The following SPAG4 variants were observed in gnomAD, a reference collection of about 807,000 sequenced individuals.
SPAG4 encodes the protein sperm associated antigen 4.
SPAG4 carries 54 observed loss-of-function variants against 53.9 expected under a neutral mutation model. That is an observed-to-expected ratio of 1.00 (90% CI 0.80 to 1.26). The LOEUF (loss-of-function observed/expected upper bound fraction) is 1.26. SPAG4 is among the 50% of genes most tolerant of loss of function. The pLI is 0.00. For synonymous variants in SPAG4, 246 were observed against 237.4 expected, an observed-to-expected ratio of 1.04 and a Z score of -0.33; for missense variants, 548 against 568.6, an observed-to-expected ratio of 0.96 and a Z score of 0.37.
At position 35,621,073 on chromosome 20, in the gene SPAG4, A is replaced by G. The variant is rs1450000220; in HGVS notation, c.*51A>G. 2 of 1,591,434 alleles carry G rather than the reference A, an allele frequency of 1.3e-6. No homozygotes were observed. The highest frequency in any genetic ancestry group is 1.3e-5 in the African/African-American group (1 of 74,680). ...GAGTTCTGCTGAAGGATACTGGATC[A>G]GTGCTTTCGGGGGCTCTGTTGGGAG... On this transcript the variant is annotated 3_prime_UTR_variant, in exon 12 of 12. Coordinates refer to ENST00000374273, the MANE Select transcript of SPAG4 (RefSeq NM_003116.3).
rs145849826 is a variant in SPAG4, at chr20:35,616,008, G to A, written c.5G>A (p.Arg2Gln). The A allele has an allele frequency of 3.6e-4, 577 of 1,611,148 alleles. 3 individuals are homozygous for A. The African/African-American group carries it at 7.1e-3, about 20-fold the overall frequency. The change falls in exon 1 of 12, where the codon CGG (arginine) becomes CAG (glutamine). Residue 2 changes from arginine to glutamine, a missense_variant. By Grantham distance (43) the Arg-to-Gln change is conservative. Coordinates refer to ENST00000374273, the MANE Select transcript of SPAG4 (RefSeq NM_003116.3). M[R>Q]RSSRPGSASS... Reference sequence around the variant, plus strand: ...ACTAGGCAGCAGGGGGTCAGGATGCGGCGAAGCTCCCGCCCGGGCTCGGCC... The same window carrying A: ...ACTAGGCAGCAGGGGGTCAGGATGCAGCGAAGCTCCCGCCCGGGCTCGGCC...
Position 35,619,219 on chromosome 20 carries a change from C to T in SPAG4, c.818C>T (p.Thr273Ile). The change falls in exon 9 of 12, where the codon ACA becomes ATA. Residue 273 changes from threonine (T) to isoleucine (I), a missense_variant. Thr to Ile is a moderately conservative substitution (Grantham distance 89). Transcript: ENST00000374273. ...GGAGCCTCCATCGACCTGCAGAAGA[C>T]ATCCCACGATTACGCAGACAGGAAC... ...SVGASIDLQKTSHDYADRNTA... is the reference protein window; with the variant it reads ...SVGASIDLQKISHDYADRNTA... 6.2e-7 allele frequency: 1 copy of T among 1,613,548 alleles called. No individual in the cohort carries two copies. Among genetic ancestry groups the T allele is most frequent in the Non-Finnish European group, 8.5e-7 (1 of 1,179,884 alleles).
intron 1 of SPAG4, 98 bp downstream of exon 1, chr20:35,616,405 C>T: frequency 7.1e-7 from 1 of 1,409,870 alleles, no homozygotes; most frequent in Non-Finnish European, 9.2e-7. Flanking sequence ...CTGGGCACCT[C>T]CTACAAGGTG....
chr20:35,617,216 C>G lies in SPAG4; in HGVS notation c.385C>G (p.Pro129Ala). Residue 129 changes from proline to alanine, a missense_variant, in exon 2 of 12, where the codon CCG becomes GCG. Transcript: ENST00000374273. Reference sequence around the variant, plus strand: ...GGATCTGAGGCAGGAGATGCCTCCCCCGCGGGTGTTCAAGAGCTTTCTGAG... The same window carrying G: ...GGATCTGAGGCAGGAGATGCCTCCCGCGCGGGTGTTCAAGAGCTTTCTGAG... ...TLDLRQEMPP[P>A]RVFKSFLSLL... 9 of 1,600,776 alleles carry G rather than the reference C, an allele frequency of 5.6e-6. No individual in the cohort carries two copies. Among genetic ancestry groups the G allele is most frequent in the Non-Finnish European group, 7.7e-6 (9 of 1,173,860 alleles).
chr20:35,619,878 G>T, intron 10 of SPAG4, 132 bp downstream of exon 10: 1 of 908,328 alleles, frequency 1.1e-6, no homozygotes, highest in Non-Finnish European at 1.6e-6. Flanking sequence ...GCCTCTCAGA[G>T]CTGCTGTAGG....
intron 3 of SPAG4, 61 bp from the exon 4 acceptor site, chr20:35,617,718 C>G (rs1036491182): frequency 6.3e-7 from 1 of 1,581,236 alleles, no homozygotes; most frequent in Admixed American, 1.7e-5. Context: ...GGTCTAGGAC[C>G]CTGGGGTGGG....
In SPAG4 at chr20:35,616,056, C is replaced by T. The variant is rs373174161; in HGVS notation, c.53C>T (p.Pro18Leu). Reference sequence around the variant, plus strand: ...GCCTCGTCCTCGCGCAAGCACACGCCCAACTTTTTCAGCGAGAACAGCTCA... The same window carrying T: ...GCCTCGTCCTCGCGCAAGCACACGCTCAACTTTTTCAGCGAGAACAGCTCA... The part of the protein sequence containing the change: ...GSASSSRKHT[P>L]NFFSENSSMS... Residue 18 changes from proline to leucine, a missense_variant, in exon 1 of 12, where the codon CCC (proline) becomes CTC (leucine). Transcript: ENST00000374273. The T allele has an allele frequency of 1.2e-6, 2 of 1,612,668 alleles. No homozygotes were observed. Among genetic ancestry groups the T allele is most frequent in the East Asian group, 2.2e-5 (1 of 44,830 alleles).
chr20:35,615,963 C>A lies in SPAG4; in HGVS notation c.-41C>A. The stretch of plus-strand genomic sequence containing the variant: ...GGCCCCAGGGCCTTGGCGACCGCAG[C>A]GGCGGCTTTAGCGTCAGTGACTAGG... On this transcript the variant is annotated 5_prime_UTR_variant, in exon 1 of 12. Coordinates refer to ENST00000374273, the MANE Select transcript of SPAG4 (RefSeq NM_003116.3). 6.3e-7 allele frequency: 1 copy of A among 1,596,506 alleles called. No individual in the cohort carries two copies. Among genetic ancestry groups the A allele is most frequent in the Non-Finnish European group, 8.5e-7 (1 of 1,173,042 alleles).
In SPAG4 at chr20:35,615,976, G is replaced by A. The variant is rs372989915; in HGVS notation, c.-28G>A. 2.0e-4 allele frequency: 315 copies of A among 1,606,266 alleles called. No individual in the cohort carries two copies. The highest frequency in any genetic ancestry group is 2.5e-4 in the Non-Finnish European group (293 of 1,178,252). On this transcript the variant is annotated 5_prime_UTR_variant, in exon 1 of 12. Transcript: ENST00000374273. ...TGGCGACCGCAGCGGCGGCTTTAGC[G>A]TCAGTGACTAGGCAGCAGGGGGTCA...
rs1323361340 is a variant in SPAG4 at position 35,616,327 on chromosome 20, CG to C, written c.304+23del. On this transcript the variant is annotated intron_variant, in intron 1 of 11. Transcript: ENST00000374273. ...CCTCGGGTGCGGGCGGGGTCGACCCCGGGTGAGCCAGTGGAGGGGGCGGGGC... is the reference window on the plus strand; with the variant it reads ...CCTCGGGTGCGGGCGGGGTCGACCCCGGTGAGCCAGTGGAGGGGGCGGGGC... 4 of 1,142,686 alleles carry C rather than the reference CG, an allele frequency of 3.5e-6. No homozygotes were observed. The highest frequency in any genetic ancestry group is 4.4e-6 in the Non-Finnish European group (4 of 911,646). 70.8% of individuals were successfully genotyped at this position (1,142,686 alleles called of 1,614,324 possible).
intron 4 of SPAG4, 39 bp downstream of exon 4, chr20:35,617,879 T>A: frequency 1.3e-6 from 2 of 1,598,774 alleles, no homozygotes; most frequent in Non-Finnish European, 1.7e-6. Context: ...CTGCCCTGGG[T>A]GCTTTGGAGG....
Position 35,618,703 on chromosome 20 carries a change from C to A in SPAG4, c.700C>A (p.Arg234=). ...DKLHKEVSTV[R]AANSERVAKL... is the part of the protein sequence containing the mutation. The stretch of plus-strand genomic sequence containing the variant: ...ACTCCACAAGGAGGTGTCCACTGTT[C>A]GGGCAGCCAACAGCGAGGTGAGCCC... Residue 234 remains arginine (R), a synonymous_variant, in exon 7 of 12, where the codon CGG becomes AGG. Transcript: ENST00000374273. The A allele has an allele frequency of 6.3e-7, 1 of 1,585,898 alleles. No homozygotes were observed. Among genetic ancestry groups the A allele is most frequent in the Non-Finnish European group, 8.6e-7 (1 of 1,165,538 alleles).
chr20:35,619,025 G>A (rs1164434198), intron 8 of SPAG4, 27 bp downstream of exon 8: 1 of 1,599,598 alleles, frequency 6.3e-7, no homozygotes, highest in African/African-American at 1.3e-5. Context: ...CTGGAAGACA[G>A]AGACGCAGAC....
rs375693231 is a variant in SPAG4 at position 35,619,570 on chromosome 20, C to G, written c.910-9C>G. ...CGACGGTTCCGATGGTCCCTCCGCCCGCCTGCAGCCCCACGTGTTCCCTGG... is the reference window on the plus strand; with the variant it reads ...CGACGGTTCCGATGGTCCCTCCGCCGGCCTGCAGCCCCACGTGTTCCCTGG... On this transcript the variant is annotated splice_polypyrimidine_tract_variant and intron_variant, in intron 9 of 11. Coordinates refer to ENST00000374273, the MANE Select transcript of SPAG4 (RefSeq NM_003116.3). 6.2e-7 allele frequency: 1 copy of G among 1,610,218 alleles called. No homozygotes were observed. Among genetic ancestry groups the G allele is most frequent in the Non-Finnish European group, 8.5e-7 (1 of 1,177,256 alleles).
intron 9 of SPAG4, 88 bp from the exon 10 acceptor site, chr20:35,619,491 A>C (rs2031501960): frequency 4.5e-6 from 7 of 1,550,018 alleles, no homozygotes; most frequent in Non-Finnish European, 6.2e-6. Context: ...GGGCGGGTCG[A>C]TGGATGGGGT....
At position 35,619,069 on chromosome 20, in the gene SPAG4, C is replaced by A. The variant is rs936073082; in HGVS notation, c.793+71C>A. ...GGCCAAGACACTGACACAGACAGAC[C>A]CATGCACCTGACCGGCCGAAGACAG... is the stretch of plus-strand genomic sequence containing the variant. On this transcript the variant is annotated intron_variant, in intron 8 of 11. Coordinates refer to ENST00000374273, the MANE Select transcript of SPAG4 (RefSeq NM_003116.3). The A allele has an allele frequency of 3.4e-6, 5 of 1,485,124 alleles. No individual in the cohort carries two copies. The African/African-American group carries it at 6.9e-5, about 21-fold the overall frequency. 92.0% of individuals were successfully genotyped at this position (1,485,124 alleles called of 1,614,324 possible).
intron 1 of SPAG4, 34 bp from the exon 2 acceptor site, chr20:35,617,102 G>A (rs778733845): frequency 2.1e-6 from 3 of 1,408,476 alleles, no homozygotes; most frequent in Non-Finnish European, 2.0e-6. Context: ...TCTGTGGTCC[G>A]CAAGGCCCCA....
intron 5 of SPAG4, 81 bp from the exon 6 acceptor site, chr20:35,618,356 CTTCAAAAAGGAAG>C: frequency 6.6e-7 from 1 of 1,512,096 alleles, no homozygotes; most frequent in Non-Finnish European, 9.1e-7. Flanking sequence ...GGGACACAGT[CTTCAAAAAGGAAG>C]CCCTGGCCGT....
Position 35,618,141 on chromosome 20 carries a change from G to A in SPAG4, c.582+11G>A. 6.2e-7 allele frequency: 1 copy of A among 1,613,378 alleles called. No individual in the cohort carries two copies. ...TCTCCTTTGGAGAATGTGAGTTGGG[G>A]AGACTGTCTTGGGGTAGGGGGTTGG... On this transcript the variant is annotated intron_variant, in intron 5 of 11. Coordinates refer to ENST00000374273, the MANE Select transcript of SPAG4 (RefSeq NM_003116.3).
Sources: allele counts gnomAD v4.1 joint callset, GRCh38; gene constraint gnomAD v4.1.1; transcripts MANE v1.5; gene names NCBI Gene and HGNC (gene_info 2026-07-23, HGNC 2026-07-21).